Variants in TRIP4 observed in about 807,000 individuals in gnomAD.
TRIP4 encodes the protein activating signal cointegrator 1.
Under a neutral mutation model 81.8 loss-of-function variants are expected in TRIP4, and 54 were observed. That is an observed-to-expected ratio of 0.66 (90% CI 0.53 to 0.83). TRIP4 has a LOEUF of 0.83. Ranked by LOEUF, TRIP4 falls within the 40% of genes least tolerant of loss-of-function variation. The pLI, the probability that TRIP4 is intolerant of heterozygous loss-of-function variation, is 0.00. For synonymous variants in TRIP4, 270 were observed against 242.8 expected, an observed-to-expected ratio of 1.11 and a Z score of -1.04; for missense variants, 662 against 683.6, an observed-to-expected ratio of 0.97 and a Z score of 0.35.
At chr15:64,426,228 T>C (rs1892140642) in intron 11 of TRIP4, among the ~76,000 whole-genome samples, 2 of 152,192 alleles carry the variant, frequency 1.3e-5, no homozygotes, top group African/African-American at 4.8e-5. Flanking sequence ...GGATCTGTTA[T>C]TGCTAATTCT....
At chr15:64,391,994 A>G (rs1466753339) in intron 1 of TRIP4, among the ~76,000 whole-genome samples, 3 of 122,838 alleles carry the variant, frequency 2.4e-5, no homozygotes, top group African/African-American at 6.3e-5. Context: ...AAAAAAAAAA[A>G]GCCAGGTGCA....
At chr15:64,388,032 G>C (rs919962543) in intron 1 of TRIP4, 68 bp downstream of exon 1, 2 of 1,476,456 alleles carry the variant, frequency 1.4e-6, no homozygotes, top group Non-Finnish European at 1.8e-6. Context: ...GAACCGGGAA[G>C]CGGGGAGGAC....
chr15:64,397,017 A>G (rs1900314410), intron 3 of TRIP4, among the ~76,000 whole-genome samples: 1 of 152,144 alleles, frequency 6.6e-6, no homozygotes, highest in Non-Finnish European at 1.5e-5. Flanking sequence ...ACTTTTTCAT[A>G]TGCCTGTTAG....
intron 4 of TRIP4, among the ~76,000 whole-genome samples, chr15:64,400,347 A>G (rs1891465817): frequency 6.9e-6 from 1 of 145,410 alleles, no homozygotes; most frequent in South Asian, 2.2e-4. Context: ...TAATTTTTGC[A>G]TTTTTTTGTT....
chr15:64,422,142 G>A (rs959687423), intron 9 of TRIP4, among the ~76,000 whole-genome samples: 3 of 152,080 alleles, frequency 2.0e-5, no homozygotes, highest in Admixed American at 1.3e-4. Context: ...CATTTCTCAG[G>A]ACATATCCCC....
At chr15:64,393,856 A>G in intron 1 of TRIP4, 90 bp from the exon 2 acceptor site, 1 of 1,276,628 alleles carries the variant, frequency 7.8e-7, no homozygotes, top group Non-Finnish European at 1.0e-6. Flanking sequence ...AGATTAATGA[A>G]TGGTTTTTAC....
At chr15:64,426,169 A>G (rs1339884853) in intron 11 of TRIP4, among the ~76,000 whole-genome samples, 2 of 152,096 alleles carry the variant, frequency 1.3e-5, no homozygotes, top group African/African-American at 4.8e-5. Context: ...CTTTTGAAGA[A>G]ACCCTTGATT....
At chr15:64,425,506 AATTT>A (rs1892120812) in intron 10 of TRIP4, 30 bp from the exon 11 acceptor site, 1 of 1,558,940 alleles carries the variant, frequency 6.4e-7, no homozygotes, top group South Asian at 1.2e-5. Context: ...CAAAGAAGGA[AATTT>A]ATTCAATATT....
intron 11 of TRIP4, among the ~76,000 whole-genome samples, chr15:64,431,468 C>T (rs981435994): frequency 3.9e-5 from 6 of 151,924 alleles, no homozygotes; most frequent in Non-Finnish European, 7.4e-5. Context: ...CTTTGGGAGG[C>T]GGAGGCTGGT....
At chr15:64,403,836 A>G (rs1891565446) in intron 5 of TRIP4, among the ~76,000 whole-genome samples, 1 of 152,216 alleles carries the variant, frequency 6.6e-6, no homozygotes, top group Non-Finnish European at 1.5e-5. Context: ...GAATAATGTT[A>G]CTATGTCAAA....
chr15:64,403,014 C>T (rs575640825), intron 5 of TRIP4, among the ~76,000 whole-genome samples: 1 of 151,788 alleles, frequency 6.6e-6, no homozygotes, highest in African/African-American at 2.4e-5. Context: ...CGCCCGCCAC[C>T]ATGCCCGGCT....
intron 4 of TRIP4, 100 bp downstream of exon 4, chr15:64,397,918 T>C (rs1163066863): frequency 7.5e-7 from 1 of 1,325,218 alleles, no homozygotes; most frequent in Non-Finnish European, 1.0e-6. Context: ...TTTTTTTGGT[T>C]GAGACGGAGT....
rs957614491 is a variant in TRIP4, at chr15:64,395,702, G to C, written c.405+171G>C. ...CTCCTTTCTATATGGTAGATTTTTTGTTTGGCAACCTGATTAGTATTATAA... is the reference window on the plus strand; with the variant it reads ...CTCCTTTCTATATGGTAGATTTTTTCTTTGGCAACCTGATTAGTATTATAA... On this transcript the variant is annotated intron_variant, in intron 3 of 12. Transcript: ENST00000261884. 3.7e-4 allele frequency among the ~76,000 whole-genome samples: 55 copies of C among 148,140 alleles called. 1 individual carries two copies. Among genetic ancestry groups the C allele is most frequent in the African/African-American group, 1.2e-3 (48 of 40,358 alleles).
chr15:64,446,302 T>A (rs1051988593), intron 12 of TRIP4, among the ~76,000 whole-genome samples: 1 of 152,036 alleles, frequency 6.6e-6, no homozygotes, highest in Non-Finnish European at 1.5e-5. Context: ...TTTTAAGTAT[T>A]TATTATTGAA....
chr15:64,394,202 C>A, intron 2 of TRIP4, 87 bp downstream of exon 2: 1 of 1,207,532 alleles, frequency 8.3e-7, no homozygotes, highest in Non-Finnish European at 1.1e-6. Context: ...TTTTTGCCAT[C>A]TTGTGTTTCT....
At position 64,409,679 on chromosome 15, in the gene TRIP4, G is replaced by C. The variant is rs1891716006; in HGVS notation, c.894G>C (p.Leu298Phe). Residue 298 changes from leucine to phenylalanine, a missense_variant, in exon 7 of 13, where the codon TTG becomes TTC. Coordinates refer to ENST00000261884, the MANE Select transcript of TRIP4 (RefSeq NM_016213.5). ...TTGCCAGTGATTCTAACCAATGGTTGTCCAAACTTGAGCGGGAAACCTTGC... is the reference window on the plus strand; with the variant it reads ...TTGCCAGTGATTCTAACCAATGGTTCTCCAAACTTGAGCGGGAAACCTTGC... ...DYFASDSNQW[L>F]SKLERETLQK... 1 of 1,614,210 alleles carries C rather than the reference G, an allele frequency of 6.2e-7. No individual in the cohort carries two copies. The highest frequency in any genetic ancestry group is 1.3e-5 in the African/African-American group (1 of 75,042).
chr15:64,406,482 A>G, intron 6 of TRIP4, 23 bp downstream of exon 6: 1 of 1,607,738 alleles, frequency 6.2e-7, no homozygotes. Context: ...TAGAATAACA[A>G]ATGCTAAGAA....
intron 11 of TRIP4, among the ~76,000 whole-genome samples, chr15:64,444,358 A>C (rs1892577374): frequency 6.6e-6 from 1 of 152,244 alleles, no homozygotes; most frequent in Non-Finnish European, 1.5e-5. Context: ...TTTTTACAAA[A>C]AAAGTAAAAG....
intron 11 of TRIP4, among the ~76,000 whole-genome samples, chr15:64,430,605 G>C: frequency 6.6e-6 from 1 of 152,158 alleles, no homozygotes; most frequent in East Asian, 1.9e-4. Flanking sequence ...ACAAAAAGTT[G>C]AGTTGGTGGC....
Sources: gnomAD v4.1 joint callset for allele counts (sites outside exome capture counted in the v4.1 genomes callset) on GRCh38, gnomAD v4.1.1 for gene constraint, MANE v1.5 for transcripts, NCBI Gene and HGNC (gene_info 2026-07-23, HGNC 2026-07-21) for gene names.